Variants in PCDHGB7 observed in about 807,000 individuals in gnomAD.
PCDHGB7 encodes the protein protocadherin gamma-B7.
Under a neutral mutation model 61.4 loss-of-function variants are expected in PCDHGB7, and 37 were observed. The ratio of observed to expected loss-of-function variants is 0.60; its 90% CI spans 0.46 to 0.79. The LOEUF is 0.79. PCDHGB7 is among the 30% of genes least tolerant of loss of function. The pLI, the probability that PCDHGB7 is intolerant of heterozygous loss-of-function variation, is 0.00. For synonymous variants in PCDHGB7, 464 were observed against 503.5 expected, an observed-to-expected ratio of 0.92 and a Z score of 1.05; for missense variants, 1,166 against 1,202.5, an observed-to-expected ratio of 0.97 and a Z score of 0.45.
intron 1 of PCDHGB7, among the ~76,000 whole-genome samples, chr5:141,462,125 A>AT (rs1561991410): frequency 6.6e-6 from 1 of 151,688 alleles, no homozygotes; most frequent in African/African-American, 2.4e-5. Context: ...ACCCAGTCCA[A>AT]TTTTTTGTAT....
At position 141,431,495 on chromosome 5, in the gene PCDHGB7, G is replaced by A. The variant is rs557611439; in HGVS notation, c.2415+11221G>A. The A allele has an allele frequency of 4.3e-6, 7 of 1,613,864 alleles. No homozygotes were observed. The highest frequency in any genetic ancestry group is 1.1e-5 in the South Asian group (1 of 91,092). On this transcript the variant is annotated intron_variant, in intron 1 of 3. Coordinates refer to ENST00000398594, the MANE Select transcript of PCDHGB7 (RefSeq NM_018927.4). This position sits in a 1 kb window ranked among gnomAD's most constrained non-coding sequence, Gnocchi z 4.8. ...CAACGCACCAGCGTTTGCTCAGCCC[G>A]AGTACCGCGCGAGCGTTCCGGAGAA...
chr5:141,477,162 C>A lies in PCDHGB7; in HGVS notation c.2416-17645C>A, dbSNP rs147392557. ...GAGGTTGTGGATGTGAATGACAACG[C>A]CCCGGAGATCACAGTCACCTCCGTG... On this transcript the variant is annotated intron_variant, in intron 1 of 3. Transcript: ENST00000398594. This position sits in a 1 kb window ranked among gnomAD's most constrained non-coding sequence, Gnocchi z 4.9. 3.5e-5 allele frequency: 57 copies of A among 1,614,162 alleles called. No homozygotes were observed. The Middle Eastern group carries it at 9.9e-4, about 28-fold the overall frequency.
intron 1 of PCDHGB7, chr5:141,422,847 C>G (rs1271794821): frequency 7.4e-6 from 12 of 1,614,234 alleles, no homozygotes; most frequent in Non-Finnish European, 1.0e-5. Context: ...ACAGCGGGGA[C>G]CCGCCCCTCA....
At chr5:141,437,205 A>G (rs1561884114) in intron 1 of PCDHGB7, among the ~76,000 whole-genome samples, 1 of 152,202 alleles carries the variant, frequency 6.6e-6, no homozygotes, top group African/African-American at 2.4e-5. Context: ...ATGTGTTTAC[A>G]TTTATTCTGA....
At position 141,491,423 on chromosome 5, in the gene PCDHGB7, G is replaced by A; in HGVS notation, c.2416-3384G>A. The A allele has an allele frequency of 3.1e-6, 5 of 1,614,126 alleles. No homozygotes were observed. Among genetic ancestry groups the A allele is most frequent in the Non-Finnish European group, 4.2e-6 (5 of 1,180,036 alleles). ...AACGCAGACGGGGACGGGGGTGGAGGGCAGTGCTGCAGGCGCCAGGACTCA... is the reference window on the plus strand; with the variant it reads ...AACGCAGACGGGGACGGGGGTGGAGAGCAGTGCTGCAGGCGCCAGGACTCA... On this transcript the variant is annotated intron_variant, in intron 1 of 3. Transcript: ENST00000398594. The surrounding 1 kb of genome is among the most constrained non-coding windows in gnomAD (Gnocchi z 6.9).
intron 1 of PCDHGB7, chr5:141,422,569 G>A (rs1219842498): frequency 6.2e-7 from 1 of 1,613,984 alleles, no homozygotes; most frequent in Admixed American, 1.7e-5. Context: ...AGATGACAAC[G>A]ATAACCCTCC....
chr5:141,433,054 G>A, intron 1 of PCDHGB7: 2 of 1,614,196 alleles, frequency 1.2e-6, no homozygotes, highest in Non-Finnish European at 1.7e-6. Context: ...ACTCGCGGAA[G>A]AGTCACCTGA....
intron 1 of PCDHGB7, among the ~76,000 whole-genome samples, chr5:141,446,827 C>A (rs922071842): frequency 6.6e-6 from 1 of 152,114 alleles, no homozygotes; most frequent in Non-Finnish European, 1.5e-5. Context: ...TGGGTAGATC[C>A]TTATAAGGCT....
At chr5:141,473,450 T>A (rs2099322542) in intron 1 of PCDHGB7, among the ~76,000 whole-genome samples, 2 of 152,150 alleles carry the variant, frequency 1.3e-5, no homozygotes, top group South Asian at 4.1e-4. Flanking sequence ...AAAATAATTA[T>A]AAAATTTAAA....
chr5:141,422,976 G>A lies in PCDHGB7; in HGVS notation c.2415+2702G>A, dbSNP rs558006468. On this transcript the variant is annotated intron_variant, in intron 1 of 3. Transcript: ENST00000398594. The stretch of plus-strand genomic sequence containing the variant: ...GCGTGGAGCTGGCGCCCCGCTCTGC[G>A]GAACCTGGCTACCTGGTGACCAAGG... 27 of 1,614,212 alleles carry A rather than the reference G, an allele frequency of 1.7e-5. No homozygotes were observed. In the East Asian group the frequency reaches 4.7e-4, roughly 28 times the overall value.
Position 141,493,477 on chromosome 5 carries a change from G to A in PCDHGB7, c.2416-1330G>A, listed in dbSNP as rs1657824440. On this transcript the variant is annotated intron_variant, in intron 1 of 3. Transcript: ENST00000398594. This position sits in a 1 kb window ranked among gnomAD's most constrained non-coding sequence, Gnocchi z 4.3. ...TTCCCTTTTAGGACCTTACATGTGG[G>A]GAAAGTCTTCTGTGGCTCCTCATTT... is the stretch of plus-strand genomic sequence containing the variant. Among the ~76,000 whole-genome samples, 3 of 152,124 alleles carry A rather than the reference G, an allele frequency of 2.0e-5. No individual in the cohort carries two copies. The highest frequency in any genetic ancestry group is 6.5e-5 in the Admixed American group (1 of 15,272).
intron 1 of PCDHGB7, among the ~76,000 whole-genome samples, chr5:141,461,557 C>T (rs2154567400): frequency 6.6e-6 from 1 of 152,122 alleles, no homozygotes; most frequent in East Asian, 1.9e-4. Context: ...CAGATGTGTA[C>T]TTTGCAAAGA....
intron 1 of PCDHGB7, chr5:141,424,599 GATTT>G (rs1016470290): frequency 3.9e-5 from 6 of 152,170 alleles, no homozygotes; most frequent in Non-Finnish European, 8.8e-5. Flanking sequence ...GATGTCTACA[GATTT>G]ATTCAAATAG....
At chr5:141,470,323 A>G (rs1029928511) in intron 1 of PCDHGB7, among the ~76,000 whole-genome samples, 1 of 152,188 alleles carries the variant, frequency 6.6e-6, no homozygotes, top group Non-Finnish European at 1.5e-5. Context: ...AAATGATCCC[A>G]TAATTTGACC....
At chr5:141,498,921 AG>A (rs1289139995) in intron 2 of PCDHGB7, among the ~76,000 whole-genome samples, 1 of 140,074 alleles carries the variant, frequency 7.1e-6, no homozygotes, top group Non-Finnish European at 1.6e-5. Flanking sequence ...TGACAGAGCG[AG>A]ACTCCATCAG....
chr5:141,482,103 A>C (rs34394498), intron 1 of PCDHGB7, among the ~76,000 whole-genome samples: 2 of 142,250 alleles, frequency 1.4e-5, no homozygotes, highest in Non-Finnish European at 3.0e-5. Flanking sequence ...AAAAAAAAAA[A>C]AATATCTAGA....
intron 1 of PCDHGB7, among the ~76,000 whole-genome samples, chr5:141,479,914 G>T (rs2099509746): frequency 6.6e-6 from 1 of 152,148 alleles, no homozygotes; most frequent in South Asian, 2.1e-4. Context: ...CTGTTATTTT[G>T]TTACTCAGTG....
chr5:141,477,212 C>T lies in PCDHGB7; in HGVS notation c.2416-17595C>T, dbSNP rs1488282405. On this transcript the variant is annotated intron_variant, in intron 1 of 3. Coordinates refer to ENST00000398594, the MANE Select transcript of PCDHGB7 (RefSeq NM_018927.4). This position sits in a 1 kb window ranked among gnomAD's most constrained non-coding sequence, Gnocchi z 4.9. ...GTACAGCCCAGTACCCGAGGATGCC[C>T]CTCTGGGGACTGTCATCGCTTTGCT... 11 of 1,614,048 alleles carry T rather than the reference C, an allele frequency of 6.8e-6. No individual in the cohort carries two copies. The highest frequency in any genetic ancestry group is 1.3e-5 in the African/African-American group (1 of 74,918).
At chr5:141,445,844 A>T (rs979756627) in intron 1 of PCDHGB7, among the ~76,000 whole-genome samples, 3 of 152,216 alleles carry the variant, frequency 2.0e-5, no homozygotes, top group Admixed American at 1.3e-4. Context: ...TGTAAATCAC[A>T]CTTAAAATTC....
Sources: gnomAD v4.1 joint callset for allele counts (sites outside exome capture counted in the v4.1 genomes callset) on GRCh38, gnomAD v4.1.1 for gene constraint, Gnocchi (gnomAD v3.1) non-coding constraint, MANE v1.5 for transcripts, NCBI Gene and HGNC (gene_info 2026-07-23, HGNC 2026-07-21) for gene names.